Variants in ADAMTS18 observed in about 807,000 individuals in gnomAD.
The protein encoded by ADAMTS18 is ADAM metallopeptidase with thrombospondin type 1 motif 18.
Under a neutral mutation model 165.9 loss-of-function variants are expected in ADAMTS18, and 157 were observed. The ratio of observed to expected loss-of-function variants is 0.95; its 90% CI spans 0.83 to 1.08. The LOEUF is 1.08. ADAMTS18 is among the 50% of genes least tolerant of loss of function. ADAMTS18 has a pLI of 0.00. For missense variants in ADAMTS18, 2,040 were observed against 1,534.0 expected, an observed-to-expected ratio of 1.33 and a Z score of -5.51; for synonymous variants, 782 against 578.2, an observed-to-expected ratio of 1.35 and a Z score of -5.06.
In ADAMTS18 at chr16:77,375,600, G is replaced by A. The variant is rs138231848; in HGVS notation, c.496-7877C>T. On this transcript the variant is annotated intron_variant, in intron 3 of 22. Transcript: ENST00000282849. ...TGTCTCAGAGCTAAGGAGCGGAAGG[G>A]GTGGTGAGAACAGGAAGAAAGCAGA... Among the ~76,000 whole-genome samples, 97 of 152,280 alleles carry A rather than the reference G, an allele frequency of 6.4e-4. 1 individual carries two copies. Among genetic ancestry groups the A allele is most frequent in the African/African-American group, 2.0e-3 (85 of 41,570 alleles).
At position 77,334,913 on chromosome 16, in the gene ADAMTS18, T is replaced by G. The variant is rs936402010; in HGVS notation, c.1859+843A>C. Among the ~76,000 whole-genome samples the G allele has an allele frequency of 2.2e-4, 30 of 138,410 alleles. No homozygotes were observed. In the East Asian group the frequency reaches 5.4e-3, roughly 25 times the overall value. 90.8% of individuals were successfully genotyped at this position (138,410 alleles called of 152,430 possible). On this transcript the variant is annotated intron_variant, in intron 12 of 22. Coordinates refer to ENST00000282849, the MANE Select transcript of ADAMTS18 (RefSeq NM_199355.4). ...AATATACAGTATATATACTGTACAT[T>G]ATAGTATATAGTATATATACTGTAT... is the stretch of plus-strand genomic sequence containing the variant.
chr16:77,335,968 C>T (rs757552544), intron 11 of ADAMTS18, 64 bp from the exon 12 acceptor site: 109 of 1,587,754 alleles, frequency 6.9e-5, no homozygotes, highest in Non-Finnish European at 8.9e-5. Flanking sequence ...AGGGAGTTGC[C>T]AACACCTGCA....
intron 10 of ADAMTS18, among the ~76,000 whole-genome samples, chr16:77,352,745 A>G (rs1285683325): frequency 6.6e-6 from 1 of 152,054 alleles, no homozygotes; most frequent in Non-Finnish European, 1.5e-5. Flanking sequence ...ATTTCCATGC[A>G]TTTTTCAGTT....
At chr16:77,412,943 C>T (rs1036315849) in intron 3 of ADAMTS18, among the ~76,000 whole-genome samples, 5 of 152,110 alleles carry the variant, frequency 3.3e-5, no homozygotes, top group Admixed American at 1.3e-4. Flanking sequence ...GCAATGCTCC[C>T]GCCTCCGTCT....
Position 77,341,747 on chromosome 16 carries a change from T to A in ADAMTS18, c.1667A>T (p.Lys556Met). The change falls in exon 11 of 23, where the codon AAG (lysine) becomes ATG (methionine). Residue 556 changes from lysine to methionine, a missense_variant. Lys to Met is a moderately conservative substitution (Grantham distance 95, BLOSUM62 -1). Transcript: ENST00000282849. Reference sequence around the variant, plus strand: ...GGTCCCTTCTGCTGCGGGCATAAACTTGGTCTCACACCTGTGGCCTACTCG... The same window carrying A: ...GGTCCCTTCTGCTGCGGGCATAAACATGGTCTCACACCTGTGGCCTACTCG... The part of the protein sequence containing the change: ...CHRVGHRCET[K>M]FMPAAEGTVC... 1 of 1,613,772 alleles carries A rather than the reference T, an allele frequency of 6.2e-7. No homozygotes were observed. The highest frequency in any genetic ancestry group is 8.5e-7 in the Non-Finnish European group (1 of 1,179,880).
intron 3 of ADAMTS18, among the ~76,000 whole-genome samples, chr16:77,416,090 G>A (rs911598801): frequency 3.9e-5 from 6 of 152,154 alleles, no homozygotes; most frequent in African/African-American, 1.4e-4. Flanking sequence ...GAAAATTACA[G>A]CAGAGAAGGG....
intron 21 of ADAMTS18, among the ~76,000 whole-genome samples, chr16:77,289,800 A>G (rs544674927): frequency 6.6e-6 from 1 of 152,342 alleles, no homozygotes; most frequent in South Asian, 2.1e-4. Context: ...AGTGGAGGAC[A>G]TAGTTCAAAA....
In ADAMTS18 at chr16:77,377,320, T is replaced by C. The variant is rs117753387; in HGVS notation, c.496-9597A>G. Among the ~76,000 whole-genome samples, 88 of 152,332 alleles carry C rather than the reference T, an allele frequency of 5.8e-4. No homozygotes were observed. The East Asian group carries it at 0.014, about 24-fold the overall frequency. ...TTAGGATGAGTGCACAATTAATTTT[T>C]AATAGTTCAGTGTGAAGAGCTTTAA... On this transcript the variant is annotated intron_variant, in intron 3 of 22. Transcript: ENST00000282849.
At chr16:77,433,460 C>G (rs750731597) in intron 2 of ADAMTS18, 11 of 152,228 alleles carry the variant, frequency 7.2e-5, no homozygotes, top group Non-Finnish European at 1.6e-4. Flanking sequence ...TGATTGACCA[C>G]TTCAGGAGGT....
rs1214952070 is a variant in ADAMTS18, at chr16:77,283,951, C to A, written c.*5G>T. The A allele has an allele frequency of 6.2e-7, 1 of 1,611,848 alleles. No individual in the cohort carries two copies. On this transcript the variant is annotated 3_prime_UTR_variant, in exon 23 of 23. Transcript: ENST00000282849. ...GGCCCTAAGGTGCTGGGGAGGACAC[C>A]AAGATCAGATCTTCCTTGTGCATGA...
chr16:77,289,154 T>A, intron 22 of ADAMTS18, 110 bp downstream of exon 22: 2 of 1,408,032 alleles, frequency 1.4e-6, no homozygotes, highest in Non-Finnish European at 2.0e-6. Flanking sequence ...TTCGGGTGAA[T>A]GGCTTACCCT....
At chr16:77,344,464 A>T (rs762257937) in intron 10 of ADAMTS18, among the ~76,000 whole-genome samples, 2 of 152,008 alleles carry the variant, frequency 1.3e-5, no homozygotes, top group African/African-American at 2.4e-5. Flanking sequence ...TTTGAGGGAA[A>T]TCAATCAATG....
At chr16:77,379,775 G>A (rs1278975650) in intron 3 of ADAMTS18, among the ~76,000 whole-genome samples, 2 of 152,128 alleles carry the variant, frequency 1.3e-5, no homozygotes, top group Non-Finnish European at 2.9e-5. Context: ...AAAGGTGTAA[G>A]CCACCGTGTC....
chr16:77,400,423 ATT>A (rs2057310729), intron 3 of ADAMTS18, among the ~76,000 whole-genome samples: 1 of 103,276 alleles, frequency 9.7e-6, no homozygotes. Context: ...TTCAGGGGGA[ATT>A]GTGTGTGTGT....
intron 20 of ADAMTS18, 47 bp from the exon 21 acceptor site, chr16:77,291,525 C>T (rs780102710): frequency 7.8e-5 from 124 of 1,582,704 alleles, no homozygotes; most frequent in Non-Finnish European, 1.0e-4. Flanking sequence ...GCCAGGATCA[C>T]ATCTTCTGGA....
intron 17 of ADAMTS18, among the ~76,000 whole-genome samples, chr16:77,299,319 C>T (rs2055535840): frequency 6.6e-6 from 1 of 152,058 alleles, no homozygotes; most frequent in South Asian, 2.1e-4. Context: ...TCTTAATAGC[C>T]CATTGCTTTT....
chr16:77,367,296 G>T, intron 4 of ADAMTS18, 145 bp downstream of exon 4: 1 of 840,030 alleles, frequency 1.2e-6, no homozygotes, highest in Non-Finnish European at 1.9e-6. Flanking sequence ...GCATTTGCCT[G>T]AGAGAGATAA....
chr16:77,388,195 G>T (rs906897685), intron 3 of ADAMTS18, among the ~76,000 whole-genome samples: 1 of 152,188 alleles, frequency 6.6e-6, no homozygotes, highest in Non-Finnish European at 1.5e-5. Flanking sequence ...CGCCTCCTGG[G>T]TTCAAGTGAT....
chr16:77,400,568 G>A (rs1310709192), intron 3 of ADAMTS18, among the ~76,000 whole-genome samples: 6 of 149,640 alleles, frequency 4.0e-5, no homozygotes, highest in African/African-American at 1.5e-4. Context: ...TGCAAGCTCC[G>A]CCTCCCGGGT....
Sources: allele counts gnomAD v4.1 joint callset (sites outside exome capture counted in the v4.1 genomes callset), GRCh38; gene constraint gnomAD v4.1.1; transcripts MANE v1.5; gene names NCBI Gene and HGNC (gene_info 2026-07-23, HGNC 2026-07-21).